CACNG3: variants seen among roughly 807,000 people sequenced by gnomAD.
The protein encoded by CACNG3 is voltage-dependent calcium channel gamma-3 subunit.
In CACNG3, 3 loss-of-function variants were observed where a neutral mutation model predicts 28.5. That is an observed-to-expected ratio of 0.11 (90% CI 0.05 to 0.27). The LOEUF is 0.27. CACNG3 is among the 10% of genes least tolerant of loss of function. The pLI is 1.00. For synonymous variants in CACNG3, 174 were observed against 162.2 expected, an observed-to-expected ratio of 1.07 and a Z score of -0.55; for missense variants, 236 against 414.4, an observed-to-expected ratio of 0.57 and a Z score of 3.74.
intron 3 of CACNG3, among the ~76,000 whole-genome samples, chr16:24,355,519 G>A (rs1231196863): frequency 6.6e-6 from 1 of 152,166 alleles, no homozygotes; most frequent in Non-Finnish European, 1.5e-5. Context: ...GGACGTCAAG[G>A]CTGCAGTGAG....
chr16:24,299,899 T>C (rs1899082820), intron 1 of CACNG3, among the ~76,000 whole-genome samples: 1 of 151,954 alleles, frequency 6.6e-6, no homozygotes, highest in Non-Finnish European at 1.5e-5. Flanking sequence ...CAAGTTTTAA[T>C]CAAGTTATCT....
chr16:24,354,802 C>G, intron 2 of CACNG3, 31 bp from the exon 3 acceptor site: 1 of 1,604,582 alleles, frequency 6.2e-7, no homozygotes. Flanking sequence ...TGGCTGGGCA[C>G]AGGCAGAAGC....
intron 1 of CACNG3, among the ~76,000 whole-genome samples, chr16:24,275,015 C>T (rs1898735484): frequency 6.6e-6 from 1 of 152,098 alleles, no homozygotes; most frequent in South Asian, 2.1e-4. Context: ...AAGAGGGGGA[C>T]TTCCTAAGAT....
At chr16:24,309,616 T>A (rs1899232949) in intron 1 of CACNG3, among the ~76,000 whole-genome samples, 1 of 152,200 alleles carries the variant, frequency 6.6e-6, no homozygotes, top group Non-Finnish European at 1.5e-5. Context: ...TGGTGGGATT[T>A]GGTGGAAACA....
intron 1 of CACNG3, among the ~76,000 whole-genome samples, chr16:24,292,859 C>G (rs559987241): frequency 1.3e-5 from 2 of 152,248 alleles, no homozygotes; most frequent in East Asian, 3.9e-4. Context: ...GGGAAAAGAG[C>G]CTAAACTCCC....
At chr16:24,295,285 A>C (rs916247106) in intron 1 of CACNG3, among the ~76,000 whole-genome samples, 1 of 152,130 alleles carries the variant, frequency 6.6e-6, no homozygotes, top group Non-Finnish European at 1.5e-5. Context: ...TGCCAGCTTC[A>C]GAATGGGGTT....
chr16:24,292,379 T>G (rs1414817352), intron 1 of CACNG3, among the ~76,000 whole-genome samples: 1 of 152,108 alleles, frequency 6.6e-6, no homozygotes, highest in African/African-American at 2.4e-5. Flanking sequence ...CTTTGTTAAG[T>G]GAAATTACAT....
At chr16:24,336,404 A>T (rs1283237976) in intron 1 of CACNG3, among the ~76,000 whole-genome samples, 2 of 150,236 alleles carry the variant, frequency 1.3e-5, no homozygotes, top group Non-Finnish European at 3.0e-5. Context: ...CCCGAGTAGC[A>T]GGGACTATAG....
chr16:24,351,834 T>C (rs1350621951), intron 2 of CACNG3, among the ~76,000 whole-genome samples: 33 of 32,918 alleles, frequency 1.0e-3, no homozygotes, highest in African/African-American at 4.5e-3. Flanking sequence ...TCTCTCTCTT[T>C]TTTTTTTTTT....
chr16:24,310,649 A>C (rs569827992), intron 1 of CACNG3, among the ~76,000 whole-genome samples: 1 of 152,278 alleles, frequency 6.6e-6, no homozygotes, highest in African/African-American at 2.4e-5. Flanking sequence ...ACCTCATTTA[A>C]TCCTCACAAA....
In CACNG3 at chr16:24,304,215, C is replaced by T. The variant is rs563958157; in HGVS notation, c.212-42519C>T. Among the ~76,000 whole-genome samples, 316 of 151,970 alleles carry T rather than the reference C, an allele frequency of 2.1e-3. 4 individuals are homozygous for T. The highest frequency in any genetic ancestry group is 7.4e-3 in the African/African-American group (307 of 41,440). On this transcript the variant is annotated intron_variant, in intron 1 of 3. Coordinates refer to ENST00000005284, the MANE Select transcript of CACNG3 (RefSeq NM_006539.4). Reference sequence around the variant, plus strand: ...TCTTTTAAAATGAGATTTGCTATCTCGAAAGCTTATTAAAGCAGTCATCAT... The same window carrying T: ...TCTTTTAAAATGAGATTTGCTATCTTGAAAGCTTATTAAAGCAGTCATCAT...
At chr16:24,283,727 C>A (rs925560383) in intron 1 of CACNG3, among the ~76,000 whole-genome samples, 1 of 152,122 alleles carries the variant, frequency 6.6e-6, no homozygotes, top group African/African-American at 2.4e-5. Context: ...TTGCTTTTAG[C>A]TGTAATGGAT....
chr16:24,262,744 C>G (rs1184333478), intron 1 of CACNG3, among the ~76,000 whole-genome samples: 1 of 152,214 alleles, frequency 6.6e-6, no homozygotes, highest in African/African-American at 2.4e-5. Context: ...CTTTCTTCCT[C>G]AAACCCAATC....
intron 1 of CACNG3, among the ~76,000 whole-genome samples, chr16:24,297,566 C>A (rs1899048711): frequency 1.3e-5 from 2 of 152,196 alleles, no homozygotes; most frequent in Non-Finnish European, 2.9e-5. Flanking sequence ...TGTTGAGAAC[C>A]TACTACCTGC....
intron 1 of CACNG3, among the ~76,000 whole-genome samples, chr16:24,286,571 G>A (rs1810021530): frequency 6.6e-6 from 1 of 152,084 alleles, no homozygotes; most frequent in Admixed American, 6.6e-5. Flanking sequence ...CGCCATGCTG[G>A]CCCCCAGAGG....
At chr16:24,346,050 C>T (rs79784877) in intron 1 of CACNG3, among the ~76,000 whole-genome samples, 253 of 152,132 alleles carry the variant, frequency 1.7e-3, no homozygotes, top group Non-Finnish European at 1.2e-3. Flanking sequence ...GTAAAATGAG[C>T]GAAAAAAATG....
intron 1 of CACNG3, among the ~76,000 whole-genome samples, chr16:24,304,142 T>G (rs1202603374): frequency 1.3e-5 from 2 of 152,176 alleles, no homozygotes; most frequent in African/African-American, 4.8e-5. Flanking sequence ...ACACGTGTTT[T>G]GGGCAAGAAT....
chr16:24,274,550 C>G lies in CACNG3; in HGVS notation c.211+17585C>G, dbSNP rs149996104. 6.5e-3 allele frequency among the ~76,000 whole-genome samples: 997 copies of G among 152,242 alleles called. 7 individuals carry two copies. Among genetic ancestry groups the G allele is most frequent in the African/African-American group, 0.023 (959 of 41,540 alleles). On this transcript the variant is annotated intron_variant, in intron 1 of 3. Coordinates refer to ENST00000005284, the MANE Select transcript of CACNG3 (RefSeq NM_006539.4). The stretch of plus-strand genomic sequence containing the variant: ...CACTGCTCTGTTAGTCCCCCAGAAT[C>G]TTTAGGAGCCTTAGGGAAGACTGAG...
At position 24,313,108 on chromosome 16, in the gene CACNG3, G is replaced by GAAGGAAGGAAGGAAGC. The variant is rs1372732379; in HGVS notation, c.212-33623_212-33622insGAAGGAAGGAAGCAAG. 3.1e-3 allele frequency among the ~76,000 whole-genome samples: 465 copies of GAAGGAAGGAAGGAAGC among 151,344 alleles called. 3 individuals are homozygous for GAAGGAAGGAAGGAAGC. Among genetic ancestry groups the GAAGGAAGGAAGGAAGC allele is most frequent in the African/African-American group, 0.011 (439 of 41,230 alleles). ...GGAAGGAAGGAAGGAAGGAAGGAAG[G>GAAGGAAGGAAGGAAGC]AAGCTTCTGTCATCCAGTAAGCACT... On this transcript the variant is annotated intron_variant, in intron 1 of 3. Coordinates refer to ENST00000005284, the MANE Select transcript of CACNG3 (RefSeq NM_006539.4).
Sources: gnomAD v4.1 joint callset for allele counts (sites outside exome capture counted in the v4.1 genomes callset) on GRCh38, gnomAD v4.1.1 for gene constraint, MANE v1.5 for transcripts, NCBI Gene and HGNC (gene_info 2026-07-23, HGNC 2026-07-21) for gene names.